Variants in PRRX1 observed in about 807,000 individuals in gnomAD.
The protein encoded by PRRX1 is paired related homeobox 1, also known as paired mesoderm homeobox protein 1.
PRRX1 carries 8 observed loss-of-function variants against 24.0 expected under a neutral mutation model. The observed-to-expected ratio is 0.33, with a 90% confidence interval of 0.20 to 0.60. PRRX1 has a LOEUF of 0.60. PRRX1 is among the 20% of genes least tolerant of loss of function. The pLI is 0.82. For synonymous variants in PRRX1, 160 were observed against 131.7 expected, an observed-to-expected ratio of 1.22 and a Z score of -1.47; for missense variants, 281 against 322.4, an observed-to-expected ratio of 0.87 and a Z score of 0.98.
intron 1 of PRRX1, among the ~76,000 whole-genome samples, chr1:170,701,544 C>T (rs1376900282): frequency 6.6e-6 from 1 of 152,008 alleles, no homozygotes; most frequent in Non-Finnish European, 1.5e-5. Flanking sequence ...TTGTTTTGTT[C>T]AAGAATTACA....
In PRRX1 at chr1:170,726,294, C is replaced by T; in HGVS notation, c.492C>T (p.Leu164=). The change falls in exon 3 of 4, where the codon CTC becomes CTT. Residue 164 remains leucine (L), a synonymous_variant. Transcript: ENST00000239461. ...TGCTAGCCAATAAAAACGCTTCCCT[C>T]CTCAAATCCTACTCAGGAGACGTGA... is the stretch of plus-strand genomic sequence containing the variant. ...RAMLANKNAS[L]LKSYSGDVTA... 6.2e-7 allele frequency: 1 copy of T among 1,614,060 alleles called. No individual in the cohort carries two copies. Among genetic ancestry groups the T allele is most frequent in the East Asian group, 2.2e-5 (1 of 44,868 alleles).
chr1:170,738,898 T>G lies in PRRX1; in HGVS notation c.*2712T>G. On this transcript the variant is annotated 3_prime_UTR_variant, in exon 4 of 4. Transcript: ENST00000239461. ...AATATCATAGAGTAACAAGTGCTGG[T>G]CAGCCAAAGAAACATTCACTGCTGG... The G allele has an allele frequency of 4.4e-6, 1 of 229,540 alleles. No homozygotes were observed. The highest frequency in any genetic ancestry group is 5.7e-5 in the Admixed American group (1 of 17,648). 14.2% of individuals were successfully genotyped at this position (229,540 alleles called of 1,614,324 possible).
intron 1 of PRRX1, among the ~76,000 whole-genome samples, chr1:170,709,472 A>T (rs1654674750): frequency 6.6e-6 from 1 of 152,202 alleles, no homozygotes; most frequent in African/African-American, 2.4e-5. Flanking sequence ...TTCAGGTATG[A>T]CAAAGAGAGG....
rs150567459 is a variant in PRRX1, at chr1:170,715,104, C to T, written c.242-4622C>T. 6.9e-4 allele frequency among the ~76,000 whole-genome samples: 105 copies of T among 152,214 alleles called. No homozygotes were observed. The East Asian group carries it at 0.017, about 24-fold the overall frequency. On this transcript the variant is annotated intron_variant, in intron 1 of 3. Transcript: ENST00000239461. Reference sequence around the variant, plus strand: ...GGAATCAGACCACAAGGCTTTTTCCCTCTCTAAATCTGGTGACTATCCTAT... The same window carrying T: ...GGAATCAGACCACAAGGCTTTTTCCTTCTCTAAATCTGGTGACTATCCTAT...
chr1:170,721,454 G>A (rs1169012982), intron 2 of PRRX1, among the ~76,000 whole-genome samples: 1 of 152,132 alleles, frequency 6.6e-6, no homozygotes, highest in Non-Finnish European at 1.5e-5. Context: ...GTACACAGTG[G>A]GAGACCACTG....
At chr1:170,718,854 C>T (rs1654992929) in intron 1 of PRRX1, among the ~76,000 whole-genome samples, 1 of 152,158 alleles carries the variant, frequency 6.6e-6, no homozygotes, top group South Asian at 2.1e-4. Flanking sequence ...ACTCTGACTG[C>T]TATGGACAAC....
chr1:170,691,329 G>T (rs1653938926), intron 1 of PRRX1, among the ~76,000 whole-genome samples: 1 of 152,088 alleles, frequency 6.6e-6, no homozygotes, highest in Middle Eastern at 3.2e-3. Flanking sequence ...GATTTAATCA[G>T]ATCAAACTTA....
At chr1:170,725,805 G>C (rs74476977) in intron 2 of PRRX1, among the ~76,000 whole-genome samples, 6,600 of 152,296 alleles carry the variant, frequency 0.043, 209 homozygotes, top group Middle Eastern at 0.12. Context: ...TATTATGAAA[G>C]CAGATGAAAT....
chr1:170,701,929 A>C (rs577967472), intron 1 of PRRX1, among the ~76,000 whole-genome samples: 2 of 152,108 alleles, frequency 1.3e-5, no homozygotes, highest in South Asian at 2.1e-4. Context: ...ACCCGATAGC[A>C]CTATAGAACA....
At chr1:170,676,935 T>G (rs959379135) in intron 1 of PRRX1, among the ~76,000 whole-genome samples, 40 of 152,196 alleles carry the variant, frequency 2.6e-4, no homozygotes, top group African/African-American at 9.4e-4. Context: ...TTCTTCATGC[T>G]AACACAGCAG....
rs141178232 is a variant in PRRX1, at chr1:170,692,724, C to G, written c.242-27002C>G. 8.5e-3 allele frequency among the ~76,000 whole-genome samples: 1,135 copies of G among 134,132 alleles called. 12 individuals carry two copies. The highest frequency in any genetic ancestry group is 0.029 in the African/African-American group (1,098 of 37,434). The allele number at this position is 134,132 out of a possible 152,430, so 88.0% of individuals were successfully genotyped here. ...ACGAACTAACAAATCCTCTCTCTCT[C>G]TCTCTCTCTCTCTCTCTCACACACA... On this transcript the variant is annotated intron_variant, in intron 1 of 3. Coordinates refer to ENST00000239461, the MANE Select transcript of PRRX1 (RefSeq NM_022716.4).
chr1:170,664,509 G>C (rs1034408868), intron 1 of PRRX1, 50 bp downstream of exon 1: 2 of 1,559,526 alleles, frequency 1.3e-6, no homozygotes, highest in Admixed American at 1.9e-5. Flanking sequence ...GACAGAGGGC[G>C]GGGACCCGTG....
chr1:170,728,318 C>T (rs1655319798), intron 3 of PRRX1: 1 of 152,092 alleles, frequency 6.6e-6, no homozygotes, highest in Non-Finnish European at 1.5e-5. Context: ...ATTAACGTGG[C>T]AATTTATGCG....
intron 1 of PRRX1, among the ~76,000 whole-genome samples, chr1:170,707,061 T>A (rs2101908537): frequency 6.6e-6 from 1 of 151,680 alleles, no homozygotes; most frequent in East Asian, 1.9e-4. Context: ...GTAAATGAGG[T>A]TGGAGTGAGC....
rs868427786 is a variant in PRRX1 at position 170,738,108 on chromosome 1, A to C, written c.*1922A>C. On this transcript the variant is annotated 3_prime_UTR_variant, in exon 4 of 4. Transcript: ENST00000239461. ...CACATAGAACAGATTTTTTTAATTT[A>C]TATTTTCATCCTGACCAGCTTAGTT... The C allele has an allele frequency of 9.2e-5, 20 of 217,100 alleles. No homozygotes were observed. Among genetic ancestry groups the C allele is most frequent in the African/African-American group, 4.0e-4 (18 of 44,448 alleles). 13.4% of individuals were successfully genotyped at this position (217,100 alleles called of 1,614,324 possible).
chr1:170,669,425 C>CAAAAAAAGAAAAAAAAAAAAAAAAA (rs1653064296), intron 1 of PRRX1: 1 of 22,298 alleles, frequency 4.5e-5, no homozygotes, highest in Non-Finnish European at 6.9e-5. Context: ...CTCCCCACTG[C>CAAAAAAAGAAAAAAAAAAAAAAAAA]AAAAAAAAAA....
intron 1 of PRRX1, among the ~76,000 whole-genome samples, chr1:170,671,859 A>G (rs1653155763): frequency 6.6e-6 from 1 of 152,132 alleles, no homozygotes; most frequent in Non-Finnish European, 1.5e-5. Context: ...GTTTGTCCCC[A>G]TGGAGCTGTG....
intron 2 of PRRX1, among the ~76,000 whole-genome samples, chr1:170,720,148 C>T (rs991824281): frequency 3.3e-5 from 5 of 152,058 alleles, no homozygotes; most frequent in Middle Eastern, 3.2e-3. Flanking sequence ...CATGATGCTG[C>T]GTGCCTGTGG....
At chr1:170,669,735 C>A (rs1279515933) in intron 1 of PRRX1, among the ~76,000 whole-genome samples, 1 of 152,130 alleles carries the variant, frequency 6.6e-6, no homozygotes, top group Non-Finnish European at 1.5e-5. Context: ...CGGATTGTTG[C>A]AAAGGTCTGT....
Sources: gnomAD v4.1 joint callset for allele counts (sites outside exome capture counted in the v4.1 genomes callset) on GRCh38, gnomAD v4.1.1 for gene constraint, MANE v1.5 for transcripts, NCBI Gene and HGNC (gene_info 2026-07-23, HGNC 2026-07-21) for gene names.